KANSL1: variants seen among roughly 807,000 people sequenced by gnomAD.
KANSL1 encodes MLL1/MLL complex subunit KANSL1.
A neutral mutation model predicts 103.6 loss-of-function variants in KANSL1; 22 were observed. The observed-to-expected ratio is 0.21, with a 90% CI of 0.15 to 0.30. The LOEUF is 0.30. KANSL1 is among the 10% of genes least tolerant of loss of function. KANSL1 has a pLI of 1.00. For missense variants in KANSL1, 1,337 were observed against 1,399.8 expected, an observed-to-expected ratio of 0.96 and a Z score of 0.72; for synonymous variants, 600 against 527.6, an observed-to-expected ratio of 1.14 and a Z score of -1.88.
At chr17:46,038,900 G>A (rs1306614469) in intron 9 of KANSL1, 127 bp downstream of exon 9, 27 of 1,243,304 alleles carry the variant, frequency 2.2e-5, no homozygotes, top group East Asian at 2.1e-4. Flanking sequence ...AAGCAGTAGC[G>A]TCCCTCTACT....
At chr17:46,034,452 G>T in intron 10 of KANSL1, 167 bp from the exon 11 acceptor site, 1 of 624,444 alleles carries the variant, frequency 1.6e-6, no homozygotes, top group Non-Finnish European at 2.7e-6. Context: ...GTCTCCAACA[G>T]CAAAAAACCT....
chr17:46,204,103 A>C (rs931657251), intron 1 of KANSL1, among the ~76,000 whole-genome samples: 1 of 152,112 alleles, frequency 6.6e-6, no homozygotes, highest in African/African-American at 2.4e-5. Flanking sequence ...GAGTGCTTGA[A>C]ACCATAGGCC....
chr17:46,167,897 T>C (rs1018833685), intron 2 of KANSL1, among the ~76,000 whole-genome samples: 4 of 152,264 alleles, frequency 2.6e-5, no homozygotes, highest in Non-Finnish European at 4.4e-5. Flanking sequence ...AAAGGGATTA[T>C]AATTTCCACA....
intron 4 of KANSL1, among the ~76,000 whole-genome samples, chr17:46,069,177 C>T (rs1360241107): frequency 1.3e-5 from 2 of 152,076 alleles, no homozygotes; most frequent in African/African-American, 2.4e-5. Flanking sequence ...CTGCCCTCCT[C>T]GGCCTCCCAA....
chr17:46,219,001 C>T (rs138683006), intron 1 of KANSL1, among the ~76,000 whole-genome samples: 15,924 of 147,448 alleles, frequency 0.11, no homozygotes, highest in Non-Finnish European at 0.16. Flanking sequence ...TGGCTCATGC[C>T]TGTAATCCCA....
At chr17:46,085,104 T>C (rs2079117225) in intron 3 of KANSL1, among the ~76,000 whole-genome samples, 1 of 152,184 alleles carries the variant, frequency 6.6e-6, no homozygotes, top group South Asian at 2.1e-4. Context: ...CCCCAAATAT[T>C]TGTTAGTGTT....
At chr17:46,032,413 T>G in intron 13 of KANSL1, 114 bp from the exon 14 acceptor site, 1 of 874,352 alleles carries the variant, frequency 1.1e-6, no homozygotes, top group Non-Finnish European at 1.7e-6. Context: ...CACCAACAGA[T>G]TTTCCTTAGG....
At chr17:46,205,680 C>CAAAA (rs56154541) in intron 1 of KANSL1, among the ~76,000 whole-genome samples, 4,507 of 92,358 alleles carry the variant, frequency 0.049, 19 homozygotes, top group Middle Eastern at 0.16. Context: ...GACACTGTCT[C>CAAAA]AAAAAAAAAA....
intron 6 of KANSL1, among the ~76,000 whole-genome samples, chr17:46,060,284 A>G (rs901197531): frequency 6.6e-6 from 1 of 152,206 alleles, no homozygotes; most frequent in African/African-American, 2.4e-5. Flanking sequence ...TAACTCATCC[A>G]CTGTTAACAT....
intron 1 of KANSL1, among the ~76,000 whole-genome samples, chr17:46,182,684 T>C (rs1392316150): frequency 6.6e-6 from 1 of 152,270 alleles, no homozygotes; most frequent in Non-Finnish European, 1.5e-5. Context: ...ATATATTCTC[T>C]TAATCTTCAC....
At position 46,172,043 on chromosome 17, in the gene KANSL1, G is replaced by C. The variant is rs1341230747; in HGVS notation, c.101C>G (p.Ala34Gly). Residue 34 changes from alanine to glycine, a missense_variant, in exon 2 of 15, where the codon GCC becomes GGC. Around this residue, in one of 2 missense-constraint regions of KANSL1, gnomAD observed 557 missense variants for 476.4 expected, o/e 1.17. Coordinates refer to ENST00000432791, the MANE Select transcript of KANSL1 (RefSeq NM_015443.4). The part of the protein sequence containing the change: ...PPSSTLSPGS[A>G]ENNGNANILI... ...GATGTTGGCGTTGCCGTTATTTTCG[G>C]CACTGCCAGGGGACAAGGTAGAGGA... 3.1e-6 allele frequency: 5 copies of C among 1,614,242 alleles called. No individual in the cohort carries two copies. In the South Asian group the frequency reaches 5.5e-5, roughly 18 times the overall value.
intron 4 of KANSL1, among the ~76,000 whole-genome samples, chr17:46,079,419 T>C (rs968705388): frequency 1.3e-5 from 2 of 152,254 alleles, no homozygotes; most frequent in African/African-American, 4.8e-5. Context: ...AACTTTGTTT[T>C]ACCTACTATC....
chr17:46,148,431 G>T (rs1449105748), intron 2 of KANSL1, among the ~76,000 whole-genome samples: 1 of 152,190 alleles, frequency 6.6e-6, no homozygotes, highest in Admixed American at 6.5e-5. Context: ...ATAAACAAGG[G>T]TAACCTATCA....
At chr17:46,116,520 A>C (rs2043054954) in intron 2 of KANSL1, among the ~76,000 whole-genome samples, 1 of 151,554 alleles carries the variant, frequency 6.6e-6, no homozygotes, top group South Asian at 2.1e-4. Context: ...ACAGAGCGCG[A>C]CTCCGTCTCA....
chr17:46,149,004 CTTTTTTTTTT>C (rs77731269), intron 2 of KANSL1, among the ~76,000 whole-genome samples: 2 of 121,282 alleles, frequency 1.6e-5, no homozygotes, highest in African/African-American at 6.8e-5. Flanking sequence ...CTCTTTTTTT[CTTTTTTTTTT>C]TTTTTTGAGA....
chr17:46,108,626 T>C (rs2042671361), intron 2 of KANSL1, among the ~76,000 whole-genome samples: 3 of 152,198 alleles, frequency 2.0e-5, no homozygotes. Context: ...GCCTAGCAAA[T>C]GGCAGGTACT....
intron 2 of KANSL1, chr17:46,148,246 G>A (rs1330504975): frequency 6.6e-6 from 1 of 152,218 alleles, no homozygotes; most frequent in African/African-American, 2.4e-5. Flanking sequence ...TCCCCCGAAA[G>A]AAAGCAGTTT....
intron 2 of KANSL1, among the ~76,000 whole-genome samples, chr17:46,103,282 CA>C (rs960049864): frequency 4.6e-5 from 7 of 152,228 alleles, no homozygotes; most frequent in African/African-American, 1.7e-4. Flanking sequence ...TAAACTCCCA[CA>C]AAACCATCAA....
chr17:46,079,086 T>A (rs183421240), intron 4 of KANSL1, among the ~76,000 whole-genome samples: 1 of 152,322 alleles, frequency 6.6e-6, no homozygotes, highest in East Asian at 1.9e-4. Context: ...TCCCTTTCTC[T>A]AACCCACTAC....
Sources: allele counts gnomAD v4.1 joint callset (sites outside exome capture counted in the v4.1 genomes callset), GRCh38; gene constraint gnomAD v4.1.1; regional missense constraint gnomAD v4.1.1; transcripts MANE v1.5; gene names NCBI Gene and HGNC (gene_info 2026-07-23, HGNC 2026-07-21).